Variants in FBXO42 observed in about 807,000 individuals in gnomAD.
FBXO42 encodes F-box only protein 42.
Under a neutral mutation model 71.7 loss-of-function variants are expected in FBXO42, and 12 were observed. The observed-to-expected ratio is 0.17, with a 90% confidence interval of 0.11 to 0.27. The LOEUF (loss-of-function observed/expected upper bound fraction) is 0.27. Among genes scored for constraint, FBXO42 ranks in the 10% least tolerant of loss-of-function variants. The probability of loss-of-function intolerance (pLI) is 1.00; values close to 1 mark genes in which losing one functional copy is unlikely to be tolerated. For missense variants in FBXO42, 707 were observed against 911.9 expected (o/e 0.78, Z 2.89); for synonymous variants, 325 against 327.5 (o/e 0.99, Z 0.08).
At chr1:16,262,179 T>C (rs1396538996) in intron 4 of FBXO42, among the ~76,000 whole-genome samples, 7 of 152,124 alleles carry the variant, frequency 4.6e-5, no homozygotes, top group Admixed American at 4.6e-4. Context: ...TTCATATATA[T>C]GTGTGTGTGT....
chr1:16,283,122 T>C (rs575477158), intron 4 of FBXO42, among the ~76,000 whole-genome samples: 16 of 152,312 alleles, frequency 1.1e-4, no homozygotes, highest in Admixed American at 3.3e-4. Context: ...CCAATTTTTA[T>C]GAACAGTAAT....
chr1:16,343,473 G>T (rs2082625463), intron 1 of FBXO42, among the ~76,000 whole-genome samples: 1 of 152,104 alleles, frequency 6.6e-6, no homozygotes, highest in Non-Finnish European at 1.5e-5. Context: ...TTGAGCCTGG[G>T]AGGGAGAGGT....
chr1:16,278,925 T>G (rs542953154), intron 4 of FBXO42, among the ~76,000 whole-genome samples: 27 of 152,204 alleles, frequency 1.8e-4, no homozygotes, highest in Non-Finnish European at 3.2e-4. Flanking sequence ...ACTACAGGCA[T>G]GTGCCACCAT....
At chr1:16,296,058 G>A (rs942963049) in intron 3 of FBXO42, among the ~76,000 whole-genome samples, 3 of 152,096 alleles carry the variant, frequency 2.0e-5, no homozygotes, top group African/African-American at 4.8e-5. Context: ...TATCAGAAGG[G>A]CTGTTACCCA....
At chr1:16,329,791 T>C (rs2082481382) in intron 1 of FBXO42, among the ~76,000 whole-genome samples, 1 of 151,112 alleles carries the variant, frequency 6.6e-6, no homozygotes, top group Non-Finnish European at 1.5e-5. Flanking sequence ...CTACTAAAAA[T>C]ACAAAAAATT....
chr1:16,324,635 T>C (rs1424698057), intron 1 of FBXO42, among the ~76,000 whole-genome samples: 1 of 152,072 alleles, frequency 6.6e-6, no homozygotes, highest in South Asian at 2.1e-4. Flanking sequence ...CTGGGCAACA[T>C]GACAAAACCC....
chr1:16,263,404 C>G (rs1035828892), intron 4 of FBXO42, among the ~76,000 whole-genome samples: 5 of 152,032 alleles, frequency 3.3e-5, no homozygotes, highest in African/African-American at 9.7e-5. Context: ...GATCACGTCA[C>G]TGCACTCCAG....
At chr1:16,345,464 T>G (rs1221146106) in intron 1 of FBXO42, among the ~76,000 whole-genome samples, 1 of 151,938 alleles carries the variant, frequency 6.6e-6, no homozygotes, top group African/African-American at 2.4e-5. Flanking sequence ...TTTCTAGTTG[T>G]GACTACTGAA....
intron 1 of FBXO42, among the ~76,000 whole-genome samples, chr1:16,341,977 A>C (rs2082609588): frequency 6.6e-6 from 1 of 151,276 alleles, no homozygotes; most frequent in Admixed American, 6.6e-5. Context: ...GTCTCCAAAA[A>C]AAAAAAAAAA....
chr1:16,257,996 T>C (rs1362195431), intron 4 of FBXO42, among the ~76,000 whole-genome samples: 1 of 151,738 alleles, frequency 6.6e-6, no homozygotes, highest in Non-Finnish European at 1.5e-5. Context: ...TACTTTTTTT[T>C]TTAAAATCTT....
At chr1:16,269,041 CCT>C (rs2081809293) in intron 4 of FBXO42, among the ~76,000 whole-genome samples, 4 of 151,588 alleles carry the variant, frequency 2.6e-5, no homozygotes, top group Admixed American at 6.6e-5. Flanking sequence ...GAACTCCTGA[CCT>C]CGTGATCCAC....
intron 4 of FBXO42, among the ~76,000 whole-genome samples, chr1:16,278,278 C>T (rs2081926111): frequency 6.6e-6 from 1 of 151,778 alleles, no homozygotes; most frequent in Non-Finnish European, 1.5e-5. Flanking sequence ...ATCGCTTGAA[C>T]CCGGGAGGCG....
intron 1 of FBXO42, among the ~76,000 whole-genome samples, chr1:16,321,989 C>G (rs925532634): frequency 6.6e-6 from 1 of 151,564 alleles, no homozygotes; most frequent in Non-Finnish European, 1.5e-5. Context: ...GCCAACATGG[C>G]GAAACCCTGT....
chr1:16,289,141 A>G (rs2082052833), intron 4 of FBXO42, among the ~76,000 whole-genome samples: 1 of 151,674 alleles, frequency 6.6e-6, no homozygotes, highest in South Asian at 2.1e-4. Flanking sequence ...CATGCCTGTA[A>G]TCCAGCACTT....
In FBXO42 at chr1:16,352,256, T is replaced by TG. The variant is rs1269546778; in HGVS notation, c.-20dup. 2.5e-6 allele frequency: 1 copy of TG among 394,916 alleles called. No individual in the cohort carries two copies. Among genetic ancestry groups the TG allele is most frequent in the African/African-American group, 2.1e-5 (1 of 48,438 alleles). The allele number at this position is 394,916 out of a possible 1,614,324, so 24.5% of individuals were successfully genotyped here. ...CCCGGGGAGGAGGAGAGGCCTCACC[T>TG]GGCCCAGCCCGCTCCACGCTCTCGG... On this transcript the variant is annotated splice_region_variant and 5_prime_UTR_variant, in exon 1 of 10. Transcript: ENST00000375592.
intron 1 of FBXO42, among the ~76,000 whole-genome samples, chr1:16,349,529 A>G (rs1161554532): frequency 6.6e-6 from 1 of 152,240 alleles, no homozygotes; most frequent in Admixed American, 6.5e-5. Flanking sequence ...AATCGTGGGA[A>G]GGGCTTTATT....
At chr1:16,258,753 T>C (rs143106113) in intron 4 of FBXO42, among the ~76,000 whole-genome samples, 7 of 152,136 alleles carry the variant, frequency 4.6e-5, no homozygotes, top group African/African-American at 1.7e-4. Flanking sequence ...TTTATTAATC[T>C]TGAGACAGGG....
At chr1:16,325,905 C>T (rs901398857) in intron 1 of FBXO42, among the ~76,000 whole-genome samples, 1 of 151,946 alleles carries the variant, frequency 6.6e-6, no homozygotes, top group African/African-American at 2.4e-5. Flanking sequence ...GGATTACAGG[C>T]GTGAGCCACC....
intron 3 of FBXO42, among the ~76,000 whole-genome samples, chr1:16,304,186 G>A (rs1179884788): frequency 6.7e-6 from 1 of 150,204 alleles, no homozygotes; most frequent in Admixed American, 6.7e-5. Flanking sequence ...GTGCAATCTC[G>A]GCTCACTGCA....
Sources: allele counts gnomAD v4.1 joint callset (sites outside exome capture counted in the v4.1 genomes callset), GRCh38; gene constraint gnomAD v4.1.1; transcripts MANE v1.5; gene names NCBI Gene and HGNC (gene_info 2026-07-23, HGNC 2026-07-21).